LRRC42: variants seen among roughly 807,000 people sequenced by gnomAD.
The protein encoded by LRRC42 is leucine-rich repeat-containing protein 42.
Under a neutral mutation model 44.3 loss-of-function variants are expected in LRRC42, and 43 were observed. The ratio of observed to expected loss-of-function variants is 0.97; its 90% confidence interval spans 0.76 to 1.25. The LOEUF (loss-of-function observed/expected upper bound fraction) is 1.25. LRRC42 is among the 50% of genes most tolerant of loss of function. The probability of loss-of-function intolerance (pLI) is 0.00; values close to 1 mark genes in which losing one functional copy is unlikely to be tolerated. For synonymous variants in LRRC42, 207 were observed against 195.2 expected (o/e 1.06, Z -0.50); for missense variants, 540 against 509.1 (o/e 1.06, Z -0.58).
chr1:53,968,055 A>G lies in LRRC42; in HGVS notation c.*116A>G, dbSNP rs934600434. The G allele has an allele frequency of 5.4e-5, 60 of 1,103,972 alleles. No homozygotes were observed. The Admixed American group carries it at 6.7e-4, about 12-fold the overall frequency. 68.4% of individuals were successfully genotyped at this position (1,103,972 alleles called of 1,614,324 possible). ...CCTATGGCATTAGCATAGTAAGCAGATATTTCTACTTTTGTGGTGTGGGAG... is the reference window on the plus strand; with the variant it reads ...CCTATGGCATTAGCATAGTAAGCAGGTATTTCTACTTTTGTGGTGTGGGAG... On this transcript the variant is annotated 3_prime_UTR_variant, in exon 9 of 9. Transcript: ENST00000371370.
rs376572141 is a variant in LRRC42 at position 53,950,907 on chromosome 1, G to A, written c.-14-1079G>A. On this transcript the variant is annotated intron_variant, in intron 2 of 8. Coordinates refer to ENST00000371370, the MANE Select transcript of LRRC42 (RefSeq NM_001256409.2). The stretch of plus-strand genomic sequence containing the variant: ...TTTTTATGTAGCTCTTGTAATGGAG[G>A]TATTTATTTGTAGATAAAAAAAATC... 5.3e-5 allele frequency among the ~76,000 whole-genome samples: 8 copies of A among 152,292 alleles called. No homozygotes were observed. In the East Asian group the frequency reaches 9.6e-4, roughly 18 times the overall value.
At chr1:53,951,256 A>G (rs1333656703) in intron 2 of LRRC42, among the ~76,000 whole-genome samples, 1 of 152,252 alleles carries the variant, frequency 6.6e-6, no homozygotes, top group Non-Finnish European at 1.5e-5. Context: ...TGGTACGTGT[A>G]AGTCATAATG....
intron 2 of LRRC42, among the ~76,000 whole-genome samples, chr1:53,951,424 T>G (rs1158199033): frequency 6.6e-6 from 1 of 152,162 alleles, no homozygotes; most frequent in Non-Finnish European, 1.5e-5. Context: ...TGACCTGGGT[T>G]TCTGTTTGTT....
At chr1:53,956,118 G>A (rs1299825450) in intron 3 of LRRC42, among the ~76,000 whole-genome samples, 1 of 152,186 alleles carries the variant, frequency 6.6e-6, no homozygotes, top group Non-Finnish European at 1.5e-5. Context: ...GGTTTTGTCA[G>A]CACAAAGGGG....
intron 7 of LRRC42, among the ~76,000 whole-genome samples, chr1:53,964,190 C>G (rs1024365413): frequency 1.3e-5 from 2 of 152,058 alleles, no homozygotes; most frequent in Non-Finnish European, 2.9e-5. Flanking sequence ...CTTGGCTTTC[C>G]TGCAGCATTC....
chr1:53,953,468 C>T (rs1280260942), intron 3 of LRRC42, among the ~76,000 whole-genome samples: 3 of 152,158 alleles, frequency 2.0e-5, no homozygotes, highest in Non-Finnish European at 2.9e-5. Context: ...TCAAGCAATT[C>T]GCCTGCCTCA....
intron 3 of LRRC42, among the ~76,000 whole-genome samples, chr1:53,956,910 T>TG (rs948445763): frequency 2.0e-5 from 3 of 152,216 alleles, no homozygotes; most frequent in African/African-American, 7.2e-5. Flanking sequence ...GATTGGAAGG[T>TG]GGAAAACAGC....
intron 4 of LRRC42, among the ~76,000 whole-genome samples, chr1:53,959,736 A>C (rs1654943840): frequency 6.6e-6 from 1 of 152,146 alleles, no homozygotes; most frequent in Non-Finnish European, 1.5e-5. Context: ...CATAGTTAGA[A>C]TGTTTTTGAT....
At chr1:53,958,949 G>T (rs768210944) in intron 4 of LRRC42, among the ~76,000 whole-genome samples, 1 of 152,090 alleles carries the variant, frequency 6.6e-6, no homozygotes, top group Non-Finnish European at 1.5e-5. Context: ...GCAGTGGCGT[G>T]ATCTTGGCCC....
chr1:53,957,593 A>C (rs1389323983), intron 3 of LRRC42, among the ~76,000 whole-genome samples: 1 of 152,222 alleles, frequency 6.6e-6, no homozygotes, highest in African/African-American at 2.4e-5. Context: ...GTCTTGCTGT[A>C]CATACTTTTG....
At chr1:53,954,036 A>G (rs1398845830) in intron 3 of LRRC42, among the ~76,000 whole-genome samples, 4 of 152,222 alleles carry the variant, frequency 2.6e-5, no homozygotes, top group Non-Finnish European at 5.9e-5. Flanking sequence ...CCCAGCCGGC[A>G]GCTTACTATT....
chr1:53,949,363 C>T (rs947307404), intron 2 of LRRC42, among the ~76,000 whole-genome samples: 4 of 152,134 alleles, frequency 2.6e-5, no homozygotes, highest in African/African-American at 9.7e-5. Flanking sequence ...ATGGGCAGAC[C>T]CTGTGTCATT....
At chr1:53,965,045 G>A (rs1054147185) in intron 7 of LRRC42, among the ~76,000 whole-genome samples, 7 of 140,176 alleles carry the variant, frequency 5.0e-5, no homozygotes, top group South Asian at 4.5e-4. Flanking sequence ...TCGCTCTGTC[G>A]CCCAGTCTGG....
intron 1 of LRRC42, among the ~76,000 whole-genome samples, chr1:53,946,752 G>A (rs1253333355): frequency 2.0e-5 from 3 of 151,742 alleles, no homozygotes; most frequent in Admixed American, 1.3e-4. Context: ...CTATGGGGAC[G>A]TGTGAGAATT....
intron 7 of LRRC42, among the ~76,000 whole-genome samples, chr1:53,963,029 A>G (rs1655037948): frequency 6.6e-6 from 1 of 152,162 alleles, no homozygotes; most frequent in Non-Finnish European, 1.5e-5. Context: ...GTAGGACAGC[A>G]CAAGTAGATG....
At position 53,962,098 on chromosome 1, in the gene LRRC42, A is replaced by G; in HGVS notation, c.789A>G (p.Leu263=). 6.2e-7 allele frequency: 1 copy of G among 1,613,884 alleles called. No homozygotes were observed. Among genetic ancestry groups the G allele is most frequent in the Non-Finnish European group, 8.5e-7 (1 of 1,179,768 alleles). ...YLFSFRKLNC[L]DISGTGLKDI... ...TTTCTTTTAGGAAACTAAACTGCTT[A>G]GATATCTCTGGGACAGGGCTCAAGG... Residue 263 remains leucine (L), a synonymous_variant, in exon 6 of 9, where the codon TTA becomes TTG. Coordinates refer to ENST00000371370, the MANE Select transcript of LRRC42 (RefSeq NM_001256409.2).
intron 7 of LRRC42, among the ~76,000 whole-genome samples, chr1:53,964,713 TATCTC>T (rs1045723521): frequency 9.5e-4 from 145 of 152,334 alleles, no homozygotes; most frequent in African/African-American, 3.4e-3. Context: ...TTATGTGTAT[TATCTC>T]ATTTAATCCT....
In LRRC42 at chr1:53,967,087, A is replaced by C. The variant is rs542842636; in HGVS notation, c.1013-578A>C. 4.6e-5 allele frequency among the ~76,000 whole-genome samples: 7 copies of C among 152,352 alleles called. 1 individual carries two copies. Among genetic ancestry groups the C allele is most frequent in the African/African-American group, 1.7e-4 (7 of 41,576 alleles). ...CTGTACACTTAAAAATGGCTAAAAT[A>C]GTAAACTTTATGTTATGTATATTTT... is the stretch of plus-strand genomic sequence containing the variant. On this transcript the variant is annotated intron_variant, in intron 8 of 8. Transcript: ENST00000371370.
At chr1:53,953,285 C>T (rs1470236434) in intron 3 of LRRC42, among the ~76,000 whole-genome samples, 1 of 152,230 alleles carries the variant, frequency 6.6e-6, no homozygotes, top group Non-Finnish European at 1.5e-5. Context: ...CAGATGGCAG[C>T]ATGCTGCATA....
Sources: allele counts gnomAD v4.1 joint callset (sites outside exome capture counted in the v4.1 genomes callset), GRCh38; gene constraint gnomAD v4.1.1; transcripts MANE v1.5; gene names NCBI Gene and HGNC (gene_info 2026-07-23, HGNC 2026-07-21).